Variants in UBE2O observed in about 807,000 individuals in gnomAD.
The protein encoded by UBE2O is ubiquitin conjugating enzyme E2 O, also known as (E3-independent) E2 ubiquitin-conjugating enzyme.
In UBE2O, 15 loss-of-function variants were observed where a neutral mutation model predicts 125.8. The ratio of observed to expected loss-of-function variants is 0.12; its 90% CI spans 0.08 to 0.18. UBE2O has a LOEUF of 0.18. UBE2O is among the 10% of genes least tolerant of loss of function. The pLI, the probability that UBE2O is intolerant of heterozygous loss-of-function variation, is 1.00. For missense variants in UBE2O, 1,280 were observed against 1,723.6 expected (o/e 0.74, Z 4.56); for synonymous variants, 708 against 703.2 (o/e 1.01, Z -0.11).
rs578049204 is a variant in UBE2O at position 76,401,522 on chromosome 17, A to G, written c.751-368T>C. On this transcript the variant is annotated intron_variant, in intron 5 of 17. Coordinates refer to ENST00000319380, the MANE Select transcript of UBE2O (RefSeq NM_022066.4). Reference sequence around the variant, plus strand: ...TATTGTAACTAACACATCATCCTGTACTGAGAGAGACAAAGTGGAACCTTA... The same window carrying G: ...TATTGTAACTAACACATCATCCTGTGCTGAGAGAGACAAAGTGGAACCTTA... Among the ~76,000 whole-genome samples the G allele has an allele frequency of 7.9e-5, 12 of 152,322 alleles. No individual in the cohort carries two copies. The South Asian group carries it at 1.9e-3, about 24-fold the overall frequency.
intron 1 of UBE2O, among the ~76,000 whole-genome samples, chr17:76,425,225 CAAAAAAAAA>C (rs58377572): frequency 0.3 from 28,771 of 95,492 alleles, 2,541 homozygotes; most frequent in Middle Eastern, 0.42. Context: ...GTCCTTTCGA[CAAAAAAAAA>C]AAAAAAAAAA....
Position 76,398,799 on chromosome 17 carries a change from G to T in UBE2O, c.1783+38C>A. The stretch of plus-strand genomic sequence containing the variant: ...AGCCCCAACCCGGGCCCTCATTGGC[G>T]ACCACCCTGCTGGCTGCCCTTCCAG... On this transcript the variant is annotated intron_variant, in intron 10 of 17. Transcript: ENST00000319380. This position sits in a 1 kb window ranked among gnomAD's most constrained non-coding sequence, Gnocchi z 5.4. 1 of 1,603,628 alleles carries T rather than the reference G, an allele frequency of 6.2e-7. No homozygotes were observed. Among genetic ancestry groups the T allele is most frequent in the South Asian group, 1.1e-5 (1 of 89,686 alleles).
intron 1 of UBE2O, among the ~76,000 whole-genome samples, chr17:76,416,775 C>A (rs1231624868): frequency 6.6e-6 from 1 of 152,152 alleles, no homozygotes; most frequent in East Asian, 1.9e-4. Context: ...CAACTGCCCA[C>A]CTTTGCACCT....
At chr17:76,397,295 C>G (rs2072229356) in intron 13 of UBE2O, among the ~76,000 whole-genome samples, 1 of 152,200 alleles carries the variant, frequency 6.6e-6, no homozygotes, top group South Asian at 2.1e-4. Flanking sequence ...GCCATTCCCG[C>G]CCCCACTCCT....
chr17:76,419,123 A>AG (rs1567844899), intron 1 of UBE2O, among the ~76,000 whole-genome samples: 4 of 145,734 alleles, frequency 2.7e-5, no homozygotes, highest in Admixed American at 6.8e-5. Context: ...ATCTCTACAG[A>AG]TTTTTTTTTT....
intron 1 of UBE2O, among the ~76,000 whole-genome samples, chr17:76,439,012 TGTAA>T (rs2073041430): frequency 6.6e-6 from 1 of 152,198 alleles, no homozygotes; most frequent in Admixed American, 6.5e-5. Context: ...TAAACTCTGA[TGTAA>T]GTCCTCTTTA....
rs2143755822 is a variant in UBE2O at position 76,410,756 on chromosome 17, C to A, written c.418-5184G>T. 4.1e-5 allele frequency among the ~76,000 whole-genome samples: 1 copy of A among 24,526 alleles called. No homozygotes were observed. Among genetic ancestry groups the A allele is most frequent in the Non-Finnish European group, 7.4e-5 (1 of 13,548 alleles). 16.1% of individuals were successfully genotyped at this position (24,526 alleles called of 152,430 possible). ...GGAAGCTCACCGGGGGCCTCTCCTG[C>A]CAGGAGCACTCTCCCTCCACGGCTG... is the stretch of plus-strand genomic sequence containing the variant. On this transcript the variant is annotated intron_variant, in intron 1 of 17. Coordinates refer to ENST00000319380, the MANE Select transcript of UBE2O (RefSeq NM_022066.4). This position sits in a 1 kb window ranked among gnomAD's most constrained non-coding sequence, Gnocchi z 4.0.
intron 1 of UBE2O, among the ~76,000 whole-genome samples, chr17:76,428,988 G>A (rs2072859149): frequency 6.7e-6 from 1 of 150,042 alleles, no homozygotes. Context: ...TGCAACCTCT[G>A]CCTCCTGGGT....
At position 76,391,880 on chromosome 17, in the gene UBE2O, T is replaced by C. The variant is rs373668112; in HGVS notation, c.3150+30A>G. Reference sequence around the variant, plus strand: ...CTATCCACCAGTGGCTCTTCCTCCTTCTTGGCTGGGGGCCTGGCCCTATAC... The same window carrying C: ...CTATCCACCAGTGGCTCTTCCTCCTCCTTGGCTGGGGGCCTGGCCCTATAC... On this transcript the variant is annotated intron_variant, in intron 16 of 17. Transcript: ENST00000319380. The surrounding 1 kb of genome is among the most constrained non-coding windows in gnomAD (Gnocchi z 8.4). The C allele has an allele frequency of 4.0e-5, 65 of 1,613,652 alleles. No individual in the cohort carries two copies. In the East Asian group the frequency reaches 4.7e-4, roughly 12 times the overall value.
rs550316855 is a variant in UBE2O at position 76,420,021 on chromosome 17, G to A, written c.418-14449C>T. 7.9e-5 allele frequency among the ~76,000 whole-genome samples: 12 copies of A among 152,158 alleles called. No individual in the cohort carries two copies. The East Asian group carries it at 2.3e-3, about 29-fold the overall frequency. ...GCACAGAAGCATGACATAACCTTGG[G>A]GCAGCAGAAAGCTGCTGCCTCACTC... On this transcript the variant is annotated intron_variant, in intron 1 of 17. Transcript: ENST00000319380.
chr17:76,394,056 A>G (rs964668504), intron 15 of UBE2O, among the ~76,000 whole-genome samples: 2 of 152,220 alleles, frequency 1.3e-5, no homozygotes, highest in African/African-American at 4.8e-5. Flanking sequence ...CTACAACCCA[A>G]GAAAAAACCA....
intron 1 of UBE2O, among the ~76,000 whole-genome samples, chr17:76,431,984 G>A (rs1052537307): frequency 5.9e-5 from 9 of 152,262 alleles, no homozygotes; most frequent in East Asian, 5.8e-4. Context: ...TCAGTGTCAC[G>A]CAGCAGGCAT....
At chr17:76,442,298 T>G (rs2073086761) in intron 1 of UBE2O, among the ~76,000 whole-genome samples, 1 of 152,210 alleles carries the variant, frequency 6.6e-6, no homozygotes, top group Non-Finnish European at 1.5e-5. Context: ...CCTGGAGTAA[T>G]TATTCATAGT....
At chr17:76,407,389 C>A (rs750185602) in intron 1 of UBE2O, among the ~76,000 whole-genome samples, 1 of 152,230 alleles carries the variant, frequency 6.6e-6, no homozygotes, top group Non-Finnish European at 1.5e-5. Flanking sequence ...CTCTGAGATA[C>A]GGCATTTTTT....
chr17:76,393,071 C>A (rs529491325), intron 15 of UBE2O, among the ~76,000 whole-genome samples: 61 of 151,724 alleles, frequency 4.0e-4, no homozygotes, highest in Non-Finnish European at 6.6e-4. Context: ...CCAACCTGGG[C>A]AACATAGTGG....
At chr17:76,424,869 TA>T (rs1352954551) in intron 1 of UBE2O, among the ~76,000 whole-genome samples, 4 of 151,108 alleles carry the variant, frequency 2.6e-5, no homozygotes, top group East Asian at 3.9e-4. Flanking sequence ...TTTTATTTTT[TA>T]TTTTTTTTTT....
chr17:76,397,558 T>G (rs1463030710), intron 13 of UBE2O, among the ~76,000 whole-genome samples: 1 of 152,088 alleles, frequency 6.6e-6, no homozygotes, highest in African/African-American at 2.4e-5. Flanking sequence ...ATCCTGGAGG[T>G]TTGTGAAAGT....
Position 76,400,605 on chromosome 17 carries a change from T to C in UBE2O, c.895-55A>G. On this transcript the variant is annotated intron_variant, in intron 6 of 17. Transcript: ENST00000319380. The surrounding 1 kb of genome is among the most constrained non-coding windows in gnomAD (Gnocchi z 4.3). ...AGGGCAGGCTCTGACAGCACTCTCT[T>C]TAGCCAGCTGCCCAAAGCCCACTTG... The C allele has an allele frequency of 1.5e-6, 2 of 1,291,432 alleles. No homozygotes were observed. The highest frequency in any genetic ancestry group is 2.9e-5 in the African/African-American group (2 of 68,216). The allele number at this position is 1,291,432 out of a possible 1,614,324, so 80.0% of individuals were successfully genotyped here.
rs1333779894 is a variant in UBE2O, at chr17:76,391,884, G to C, written c.3150+26C>G. ...CCACCAGTGGCTCTTCCTCCTTCTTGGCTGGGGGCCTGGCCCTATACTCAC... is the reference window on the plus strand; with the variant it reads ...CCACCAGTGGCTCTTCCTCCTTCTTCGCTGGGGGCCTGGCCCTATACTCAC... On this transcript the variant is annotated intron_variant, in intron 16 of 17. Transcript: ENST00000319380. This position sits in a 1 kb window ranked among gnomAD's most constrained non-coding sequence, Gnocchi z 8.4. 6.2e-7 allele frequency: 1 copy of C among 1,613,656 alleles called. No individual in the cohort carries two copies.
Sources: gnomAD v4.1 joint callset for allele counts (sites outside exome capture counted in the v4.1 genomes callset) on GRCh38, gnomAD v4.1.1 for gene constraint, Gnocchi (gnomAD v3.1) non-coding constraint, MANE v1.5 for transcripts, NCBI Gene and HGNC (gene_info 2026-07-23, HGNC 2026-07-21) for gene names.